FGF10: variants seen among roughly 807,000 people sequenced by gnomAD.
The protein encoded by FGF10 is fibroblast growth factor 10.
FGF10 carries 2 observed loss-of-function variants against 19.8 expected under a neutral mutation model. That is an observed-to-expected ratio of 0.10 (90% CI 0.04 to 0.32). FGF10 has a LOEUF of 0.32. Ranked by LOEUF, FGF10 falls within the 10% of genes least tolerant of loss-of-function variation. The probability of loss-of-function intolerance (pLI) is 1.00; values close to 1 mark genes in which losing one functional copy is unlikely to be tolerated. For missense variants in FGF10, 191 were observed against 246.3 expected (o/e 0.78, Z 1.50); for synonymous variants, 112 against 94.0 (o/e 1.19, Z -1.10).
intron 1 of FGF10, among the ~76,000 whole-genome samples, chr5:44,321,168 A>G (rs1421047670): frequency 6.6e-6 from 1 of 152,152 alleles, no homozygotes; most frequent in Non-Finnish European, 1.5e-5. Flanking sequence ...TGCTAAGGAC[A>G]TTTGTCATGA....
chr5:44,369,707 C>A (rs1741702835), intron 1 of FGF10, among the ~76,000 whole-genome samples: 1 of 152,106 alleles, frequency 6.6e-6, no homozygotes, highest in Non-Finnish European at 1.5e-5. Flanking sequence ...TCAGATTTAT[C>A]AGAAAATCTC....
At chr5:44,366,967 CT>C (rs1741630095) in intron 1 of FGF10, among the ~76,000 whole-genome samples, 1 of 151,904 alleles carries the variant, frequency 6.6e-6, no homozygotes, top group Non-Finnish European at 1.5e-5. Flanking sequence ...ATTTTGCTTT[CT>C]TTGTAAAAGA....
At chr5:44,353,978 T>C (rs527577537) in intron 1 of FGF10, among the ~76,000 whole-genome samples, 7 of 151,698 alleles carry the variant, frequency 4.6e-5, no homozygotes, top group Admixed American at 2.6e-4. Flanking sequence ...TCTTTCATAT[T>C]GGTAGCAATA....
At chr5:44,366,413 A>G (rs1047597842) in intron 1 of FGF10, among the ~76,000 whole-genome samples, 13 of 151,988 alleles carry the variant, frequency 8.6e-5, no homozygotes, top group African/African-American at 3.1e-4. Flanking sequence ...TAAGGAAAGC[A>G]TTGCTTCTTA....
intron 1 of FGF10, among the ~76,000 whole-genome samples, chr5:44,311,040 A>C (rs531922941): frequency 2.4e-4 from 37 of 152,246 alleles, no homozygotes; most frequent in Non-Finnish European, 3.5e-4. Context: ...GCTACATTTA[A>C]CTGATAGATT....
chr5:44,308,263 G>A (rs900180112), intron 2 of FGF10, among the ~76,000 whole-genome samples: 2 of 152,138 alleles, frequency 1.3e-5, no homozygotes, highest in African/African-American at 2.4e-5. Flanking sequence ...GTGAAGAAAA[G>A]TATTAAATAT....
chr5:44,312,977 C>A (rs1478513481), intron 1 of FGF10, among the ~76,000 whole-genome samples: 1 of 151,998 alleles, frequency 6.6e-6, no homozygotes, highest in Non-Finnish European at 1.5e-5. Context: ...AGCTTAGATA[C>A]CCCTTTGTTT....
In FGF10 at chr5:44,304,729, C is replaced by A. The variant is rs903796444; in HGVS notation, c.*266G>T. 6 of 419,722 alleles carry A rather than the reference C, an allele frequency of 1.4e-5. No individual in the cohort carries two copies. The highest frequency in any genetic ancestry group is 2.2e-5 in the Non-Finnish European group (5 of 229,716). The allele number at this position is 419,722 out of a possible 1,614,324, so 26.0% of individuals were successfully genotyped here. Reference sequence around the variant, plus strand: ...AAAACTTGACAACAACAACAAAAAACCCAGCCACAATGTTTTTCACTTGGG... The same window carrying A: ...AAAACTTGACAACAACAACAAAAAAACCAGCCACAATGTTTTTCACTTGGG... On this transcript the variant is annotated 3_prime_UTR_variant, in exon 3 of 3. Transcript: ENST00000264664.
chr5:44,326,989 G>C (rs1740629159), intron 1 of FGF10, among the ~76,000 whole-genome samples: 1 of 152,066 alleles, frequency 6.6e-6, no homozygotes, highest in Non-Finnish European at 1.5e-5. Context: ...ATTTAATTGT[G>C]TCTCAACTCT....
intron 1 of FGF10, among the ~76,000 whole-genome samples, chr5:44,327,537 G>A (rs1216221732): frequency 6.6e-6 from 1 of 152,126 alleles, no homozygotes; most frequent in Admixed American, 6.5e-5. Flanking sequence ...CACAAACTTG[G>A]TCAAGGATGT....
intron 1 of FGF10, among the ~76,000 whole-genome samples, chr5:44,327,582 T>C (rs1740643386): frequency 6.6e-6 from 1 of 152,188 alleles, no homozygotes; most frequent in South Asian, 2.1e-4. Flanking sequence ...CATCCAAATA[T>C]AAACAACTGC....
At chr5:44,369,336 G>C (rs773914542) in intron 1 of FGF10, among the ~76,000 whole-genome samples, 15 of 152,108 alleles carry the variant, frequency 9.9e-5, no homozygotes, top group Non-Finnish European at 1.9e-4. Context: ...GGAAACTATA[G>C]AATCTCGTCA....
At chr5:44,368,592 C>A (rs1741672296) in intron 1 of FGF10, among the ~76,000 whole-genome samples, 1 of 152,018 alleles carries the variant, frequency 6.6e-6, no homozygotes, top group South Asian at 2.1e-4. Flanking sequence ...ACTTTGAAGC[C>A]TTTGATATGA....
intron 1 of FGF10, among the ~76,000 whole-genome samples, chr5:44,368,927 CA>C (rs2111878644): frequency 6.6e-6 from 1 of 152,150 alleles, no homozygotes; most frequent in African/African-American, 2.4e-5. Flanking sequence ...TTTGGTCTTC[CA>C]AAGTGTTGAG....
Position 44,305,172 on chromosome 5 carries a change from A to G in FGF10, c.450T>C (p.Cys150=). ...LYGSKEFNND[C]KLKERIEENG... is the part of the protein sequence containing the mutation. ...TTTCCTCTATCCTCTCCTTCAGCTT[A>G]CAGTCATTGTTAAATTCTTTCTGCA... is the stretch of plus-strand genomic sequence containing the variant. Residue 150 remains cysteine, a synonymous_variant, in exon 3 of 3, where the codon TGT becomes TGC. Coordinates refer to ENST00000264664, the MANE Select transcript of FGF10 (RefSeq NM_004465.2). 1 of 1,613,758 alleles carries G rather than the reference A, an allele frequency of 6.2e-7. No individual in the cohort carries two copies. The highest frequency in any genetic ancestry group is 2.2e-5 in the East Asian group (1 of 44,838).
intron 1 of FGF10, among the ~76,000 whole-genome samples, chr5:44,383,434 A>G (rs1307064356): frequency 2.0e-5 from 3 of 152,052 alleles, no homozygotes; most frequent in Admixed American, 2.0e-4. Flanking sequence ...CATCATTTTG[A>G]AAACAACTGC....
intron 1 of FGF10, among the ~76,000 whole-genome samples, chr5:44,322,141 A>T (rs1740508449): frequency 6.6e-6 from 1 of 152,022 alleles, no homozygotes; most frequent in African/African-American, 2.4e-5. Context: ...TATGAGAACT[A>T]CTCCAGAGAT....
In FGF10 at chr5:44,384,340, AAG is replaced by A. The variant is rs1742051718; in HGVS notation, c.325+4016_325+4017del. ...AAGCAATTATATTCCCAAATATCAA[AAG>A]AGAGAGTTTACCTAGAGAATACACT... On this transcript the variant is annotated intron_variant, in intron 1 of 2. Transcript: ENST00000264664. Among the ~76,000 whole-genome samples the A allele has an allele frequency of 2.0e-5, 3 of 152,252 alleles. 1 individual carries two copies. The South Asian group carries it at 6.2e-4, about 32-fold the overall frequency.
At chr5:44,376,515 AAACAAAAAAC>A (rs1741866376) in intron 1 of FGF10, among the ~76,000 whole-genome samples, 1 of 131,802 alleles carries the variant, frequency 7.6e-6, no homozygotes, top group African/African-American at 3.1e-5. Flanking sequence ...AAAAAAAAAA[AAACAAAAAAC>A]CCACAACTAG....
Sources: allele counts gnomAD v4.1 joint callset (sites outside exome capture counted in the v4.1 genomes callset), GRCh38; gene constraint gnomAD v4.1.1; transcripts MANE v1.5; gene names NCBI Gene and HGNC (gene_info 2026-07-23, HGNC 2026-07-21).